Variants in PAPSS1 observed in about 807,000 individuals in gnomAD.
The protein encoded by PAPSS1 is 3'-phosphoadenosine 5'-phosphosulfate synthase 1.
In PAPSS1, 50 loss-of-function variants were observed where a neutral mutation model predicts 72.0. That is an observed-to-expected ratio of 0.69 (90% CI 0.55 to 0.88). PAPSS1 has a LOEUF of 0.88. PAPSS1 is among the 40% of genes least tolerant of loss of function. The probability of loss-of-function intolerance (pLI) is 0.00; values close to 1 mark genes in which losing one functional copy is unlikely to be tolerated. For missense variants in PAPSS1, 657 were observed against 782.2 expected (o/e 0.84, Z 1.91); for synonymous variants, 261 against 263.6 (o/e 0.99, Z 0.09).
At chr4:107,685,890 G>A (rs1722770359) in intron 4 of PAPSS1, among the ~76,000 whole-genome samples, 1 of 152,138 alleles carries the variant, frequency 6.6e-6, no homozygotes, top group Admixed American at 6.5e-5. Context: ...ACAGTCTCAG[G>A]TTATCACATT....
rs1161576681 is a variant in PAPSS1, at chr4:107,645,028, C to G, written c.1280G>C (p.Gly427Ala). The stretch of plus-strand genomic sequence containing the variant: ...GGTATCCTGCATTAACAGGGCATGT[C>G]CATTGTGCACTGGGTTGCGTAGTTG... ...AFQLRNPVHN[G>A]HALLMQDTHK... Residue 427 changes from glycine (G) to alanine (A), a missense_variant, in exon 10 of 12, where the codon GGA becomes GCA. Around this residue, in one of 7 missense-constraint regions of PAPSS1, gnomAD observed 166 missense variants for 228.3 expected, o/e 0.73. Coordinates refer to ENST00000265174, the MANE Select transcript of PAPSS1 (RefSeq NM_005443.5). The G allele has an allele frequency of 2.5e-6, 4 of 1,600,508 alleles. No homozygotes were observed. Among genetic ancestry groups the G allele is most frequent in the Admixed American group, 3.4e-5 (2 of 58,562 alleles).
At chr4:107,713,367 G>A (rs1034924340) in intron 1 of PAPSS1, among the ~76,000 whole-genome samples, 4 of 152,108 alleles carry the variant, frequency 2.6e-5, no homozygotes, top group African/African-American at 4.8e-5. Flanking sequence ...ATGGGTATAA[G>A]GTTTCTTTTT....
chr4:107,686,982 G>C, intron 4 of PAPSS1, 57 bp downstream of exon 4: 4 of 1,467,442 alleles, frequency 2.7e-6, no homozygotes, highest in Non-Finnish European at 3.7e-6. Context: ...ATCAATCCTA[G>C]ATATGGGAAC....
intron 1 of PAPSS1, among the ~76,000 whole-genome samples, chr4:107,711,719 A>C (rs1399584106): frequency 6.6e-6 from 1 of 152,236 alleles, no homozygotes; most frequent in East Asian, 1.9e-4. Flanking sequence ...ATATGGATAA[A>C]TGAGAGACTG....
chr4:107,617,200 T>A (rs987463146), intron 11 of PAPSS1, among the ~76,000 whole-genome samples: 1 of 150,628 alleles, frequency 6.6e-6, no homozygotes, highest in African/African-American at 2.5e-5. Flanking sequence ...TTTATATGAG[T>A]CTTCGGCTTT....
At chr4:107,719,756 C>T in intron 1 of PAPSS1, 2 of 1,068,428 alleles carry the variant, frequency 1.9e-6, no homozygotes, top group South Asian at 2.5e-5. Context: ...ATGCAGGAAG[C>T]TCCTGTTTCT....
chr4:107,715,813 A>G (rs1477457804), intron 1 of PAPSS1, among the ~76,000 whole-genome samples: 1 of 152,218 alleles, frequency 6.6e-6, no homozygotes, highest in Non-Finnish European at 1.5e-5. Flanking sequence ...TGTGCCAGGA[A>G]CCATAGTTTT....
At position 107,712,287 on chromosome 4, in the gene PAPSS1, C is replaced by A. The variant is rs559716907; in HGVS notation, c.60+7833G>T. On this transcript the variant is annotated intron_variant, in intron 1 of 11. Transcript: ENST00000265174. Reference sequence around the variant, plus strand: ...TGATCCTTTCTAGACACTCAGGACACAATAAAAACAAAAACATTTCATAAA... The same window carrying A: ...TGATCCTTTCTAGACACTCAGGACAAAATAAAAACAAAAACATTTCATAAA... 1.2e-4 allele frequency among the ~76,000 whole-genome samples: 19 copies of A among 152,060 alleles called. No individual in the cohort carries two copies. In the South Asian group the frequency reaches 3.9e-3, roughly 32 times the overall value.
intron 1 of PAPSS1, among the ~76,000 whole-genome samples, chr4:107,719,660 C>G (rs1220034633): frequency 2.0e-5 from 3 of 152,194 alleles, no homozygotes; most frequent in Admixed American, 1.3e-4. Flanking sequence ...CTGGGCCAAC[C>G]GCACTGGCAG....
chr4:107,624,080 G>T (rs1466997041), intron 11 of PAPSS1, among the ~76,000 whole-genome samples: 4 of 151,976 alleles, frequency 2.6e-5, no homozygotes, highest in Admixed American at 1.3e-4. Context: ...GCCTTATCTG[G>T]CTCCTGAATA....
At chr4:107,635,889 C>T (rs573463877) in intron 10 of PAPSS1, among the ~76,000 whole-genome samples, 2 of 152,132 alleles carry the variant, frequency 1.3e-5, no homozygotes, top group African/African-American at 4.8e-5. Flanking sequence ...GTTTCATGGA[C>T]TTGGTGACAT....
chr4:107,619,399 G>A (rs950076944), intron 11 of PAPSS1, among the ~76,000 whole-genome samples: 47 of 152,026 alleles, frequency 3.1e-4, no homozygotes, highest in African/African-American at 2.7e-4. Context: ...CCCTGGCTAC[G>A]GAAAACACAT....
At position 107,683,926 on chromosome 4, in the gene PAPSS1, C is replaced by T. The variant is rs149787353; in HGVS notation, c.551-1793G>A. ...TAAGCAACTCTATAATCAGGAACTC[C>T]AGCACCATGGCAAACCTAAGTATCA... is the stretch of plus-strand genomic sequence containing the variant. On this transcript the variant is annotated intron_variant, in intron 4 of 11. Transcript: ENST00000265174. Among the ~76,000 whole-genome samples, 469 of 151,780 alleles carry T rather than the reference C, an allele frequency of 3.1e-3. 3 individuals are homozygous for T. The highest frequency in any genetic ancestry group is 0.011 in the African/African-American group (440 of 41,422).
At chr4:107,646,695 G>A (rs927518453) in intron 9 of PAPSS1, among the ~76,000 whole-genome samples, 1 of 152,062 alleles carries the variant, frequency 6.6e-6, no homozygotes, top group African/African-American at 2.4e-5. Flanking sequence ...CGCCCTCCCC[G>A]TCAAGCCCCT....
intron 9 of PAPSS1, among the ~76,000 whole-genome samples, chr4:107,645,907 A>G (rs1334117803): frequency 1.3e-5 from 2 of 152,162 alleles, no homozygotes; most frequent in African/African-American, 4.8e-5. Flanking sequence ...TCTGTTCTCA[A>G]TTCTGACCCT....
chr4:107,687,188 A>T lies in PAPSS1; in HGVS notation c.412-11T>A. On this transcript the variant is annotated splice_polypyrimidine_tract_variant and intron_variant, in intron 3 of 11. Transcript: ENST00000265174. Reference sequence around the variant, plus strand: ...TGCATTGTTGCGATCCTTAAAAAAAAATAAAATAAAAAGTGATCACACAAA... The same window carrying T: ...TGCATTGTTGCGATCCTTAAAAAAATATAAAATAAAAAGTGATCACACAAA... The T allele has an allele frequency of 1.3e-6, 2 of 1,543,518 alleles. No homozygotes were observed. Among genetic ancestry groups the T allele is most frequent in the Non-Finnish European group, 1.7e-6 (2 of 1,154,456 alleles).
In PAPSS1 at chr4:107,720,188, AGC is replaced by A; in HGVS notation, c.-11_-10del. 3 of 1,599,930 alleles carry A rather than the reference AGC, an allele frequency of 1.9e-6. No individual in the cohort carries two copies. Among genetic ancestry groups the A allele is most frequent in the Non-Finnish European group, 2.6e-6 (3 of 1,174,478 alleles). The stretch of plus-strand genomic sequence containing the variant: ...CTCCCGGGGATCTCCATGACCGCGG[AGC>A]GCGCTGAGCAGCCGGGGTTCTCTGC... On this transcript the variant is annotated 5_prime_UTR_variant, in exon 1 of 12. Coordinates refer to ENST00000265174, the MANE Select transcript of PAPSS1 (RefSeq NM_005443.5).
intron 2 of PAPSS1, 49 bp from the exon 3 acceptor site, chr4:107,694,055 A>G (rs368044643): frequency 1.7e-4 from 218 of 1,305,162 alleles, no homozygotes; most frequent in Non-Finnish European, 2.2e-4. Context: ...TTAGAAGGAT[A>G]ACTATGTAGT....
intron 10 of PAPSS1, among the ~76,000 whole-genome samples, chr4:107,640,863 G>A (rs891139944): frequency 2.0e-5 from 3 of 152,196 alleles, no homozygotes; most frequent in African/African-American, 7.2e-5. Flanking sequence ...ACTCCAGACA[G>A]AGATGTAGAG....
Sources: gnomAD v4.1 joint callset for allele counts (sites outside exome capture counted in the v4.1 genomes callset) on GRCh38, gnomAD v4.1.1 for gene constraint, gnomAD v4.1.1 regional missense constraint, MANE v1.5 for transcripts, NCBI Gene and HGNC (gene_info 2026-07-23, HGNC 2026-07-21) for gene names.